Variants in BCO1 observed in about 807,000 individuals in gnomAD.
BCO1 encodes beta,beta-carotene 15,15'-dioxygenase.
A neutral mutation model predicts 56.3 loss-of-function variants in BCO1; 54 were observed. The observed-to-expected ratio is 0.96, with a 90% confidence interval of 0.77 to 1.20. The LOEUF (loss-of-function observed/expected upper bound fraction) is 1.20. BCO1 is among the 50% of genes most tolerant of loss of function. The pLI is 0.00. For synonymous variants in BCO1, 318 were observed against 266.1 expected (o/e 1.20, Z -1.90); for missense variants, 801 against 690.9 (o/e 1.16, Z -1.79).
At chr16:81,251,872 A>ATGTGTGTGTGTGTGTGTG (rs773100922) in intron 2 of BCO1, among the ~76,000 whole-genome samples, 7 of 117,278 alleles carry the variant, frequency 6.0e-5, no homozygotes, top group African/African-American at 3.1e-4. Flanking sequence ...ACACACACAT[A>ATGTGTGTGTGTGTGTGTG]TATGTGTGTG....
intron 1 of BCO1, among the ~76,000 whole-genome samples, chr16:81,244,696 C>T (rs551293640): frequency 2.0e-5 from 3 of 150,014 alleles, no homozygotes; most frequent in East Asian, 1.9e-4. Context: ...CCTTTTTCTA[C>T]GTCTGTAGCG....
chr16:81,252,815 C>G (rs760375411), intron 2 of BCO1, among the ~76,000 whole-genome samples: 5 of 152,170 alleles, frequency 3.3e-5, no homozygotes, highest in Non-Finnish European at 7.3e-5. Context: ...CCTTTGTTTA[C>G]GAAGTGCATG....
Position 81,259,773 on chromosome 16 carries a change from C to G in BCO1, c.291C>G (p.Ala97=), listed in dbSNP as rs866153770. 2 of 1,614,124 alleles carry G rather than the reference C, an allele frequency of 1.2e-6. No homozygotes were observed. The highest frequency in any genetic ancestry group is 1.7e-6 in the Non-Finnish European group (2 of 1,180,048). The change falls in exon 3 of 11, where the codon GCC becomes GCG. Residue 97 remains alanine, a synonymous_variant. Coordinates refer to ENST00000258168, the MANE Select transcript of BCO1 (RefSeq NM_017429.3). The part of the protein sequence containing the change: ...RIVVSEFGTM[A]YPDPCKNIFS... ...TGGTGTCTGAGTTTGGAACAATGGC[C>G]TATCCGGACCCCTGCAAAAACATAT...
At chr16:81,267,884 G>A (rs761556753) in intron 5 of BCO1, 24 bp from the exon 6 acceptor site, 3 of 1,608,822 alleles carry the variant, frequency 1.9e-6, no homozygotes, top group African/African-American at 1.3e-5. Context: ...CACAATTCCT[G>A]AGGCTTGCTT....
At chr16:81,282,040 T>C (rs1247545187) in intron 8 of BCO1, among the ~76,000 whole-genome samples, 1 of 152,228 alleles carries the variant, frequency 6.6e-6, no homozygotes, top group African/African-American at 2.4e-5. Context: ...ATGAATGGAC[T>C]TGTCCAAGGA....
intron 6 of BCO1, among the ~76,000 whole-genome samples, chr16:81,269,807 C>G (rs1476985965): frequency 6.6e-6 from 1 of 152,166 alleles, no homozygotes; most frequent in South Asian, 2.1e-4. Context: ...CTGGCAGATT[C>G]TCCCCAACTT....
intron 2 of BCO1, among the ~76,000 whole-genome samples, chr16:81,255,044 A>C (rs538945855): frequency 3.7e-4 from 57 of 152,250 alleles, no homozygotes; most frequent in African/African-American, 1.3e-3. Flanking sequence ...GGGCCTCTCA[A>C]ACTGCTGGGA....
At chr16:81,243,943 C>G (rs1259535287) in intron 1 of BCO1, among the ~76,000 whole-genome samples, 2 of 152,248 alleles carry the variant, frequency 1.3e-5, no homozygotes, top group Non-Finnish European at 2.9e-5. Flanking sequence ...GGAGCTAAAT[C>G]CTCTGGGTAT....
intron 3 of BCO1, among the ~76,000 whole-genome samples, chr16:81,261,407 T>C (rs185405789): frequency 1.3e-5 from 2 of 152,364 alleles, no homozygotes; most frequent in East Asian, 3.9e-4. Context: ...AAAAACTAAT[T>C]TCCTGGATAA....
chr16:81,270,072 C>A, intron 6 of BCO1, 87 bp from the exon 7 acceptor site: 1 of 1,529,672 alleles, frequency 6.5e-7, no homozygotes, highest in Admixed American at 1.7e-5. Flanking sequence ...TAGCTCCTGG[C>A]GGGGCTGGGT....
intron 2 of BCO1, among the ~76,000 whole-genome samples, chr16:81,249,357 C>T (rs1020152582): frequency 1.3e-5 from 2 of 152,008 alleles, no homozygotes; most frequent in Non-Finnish European, 2.9e-5. Context: ...CCCGGGTTCA[C>T]GCCATTCTCC....
Position 81,262,173 on chromosome 16 carries a change from A to G in BCO1, c.361A>G (p.Thr121Ala), listed in dbSNP as rs912504653. The G allele has an allele frequency of 6.2e-7, 1 of 1,613,936 alleles. No individual in the cohort carries two copies. The highest frequency in any genetic ancestry group is 1.1e-5 in the South Asian group (1 of 91,070). Residue 121 changes from threonine (T) to alanine (A), a missense_variant, in exon 4 of 11, where the codon ACC becomes GCC. Physicochemically the swap from Thr to Ala is moderately conservative, Grantham distance 58. Transcript: ENST00000258168. Reference sequence around the variant, plus strand: ...CTTGTCTCACACCATCCCCGATTTCACCGACAACTGCCTGATCAACATCAT... The same window carrying G: ...CTTGTCTCACACCATCCCCGATTTCGCCGACAACTGCCTGATCAACATCAT... ...SYLSHTIPDF[T>A]DNCLINIMKC...
chr16:81,239,131 C>A (rs1435205007), intron 1 of BCO1, among the ~76,000 whole-genome samples, 159 bp downstream of exon 1: 6 of 151,902 alleles, frequency 3.9e-5, no homozygotes, highest in African/African-American at 1.2e-4. Context: ...ATCCTCCCAC[C>A]ACAGCCTCCC....
chr16:81,264,592 T>C (rs1174157491), intron 4 of BCO1, 48 bp from the exon 5 acceptor site: 1 of 1,601,626 alleles, frequency 6.2e-7, no homozygotes, highest in Admixed American at 1.7e-5. Context: ...ATCTTGCAGG[T>C]TGATTATCGT....
intron 2 of BCO1, among the ~76,000 whole-genome samples, chr16:81,252,809 T>C (rs966849528): frequency 1.4e-4 from 22 of 152,186 alleles, no homozygotes; most frequent in Admixed American, 3.9e-4. Flanking sequence ...CAACAGCCTT[T>C]GTTTACGAAG....
intron 10 of BCO1, among the ~76,000 whole-genome samples, chr16:81,287,914 G>C (rs557843539): frequency 1.3e-5 from 2 of 152,274 alleles, no homozygotes; most frequent in Admixed American, 6.5e-5. Flanking sequence ...TTGGGACTCA[G>C]TCATGTAAAC....
chr16:81,290,367 T>C lies in BCO1; in HGVS notation c.1434T>C (p.Ile478=), dbSNP rs1021921414. The change falls in exon 11 of 11, where the codon ATT becomes ATC. Residue 478 remains isoleucine, a synonymous_variant. Coordinates refer to ENST00000258168, the MANE Select transcript of BCO1 (RefSeq NM_017429.3). The stretch of plus-strand genomic sequence containing the variant: ...CTAAAGGAGTAATCTTATCAGCCAT[T>C]GTCTCTACTGATCCCCAAAAGCTGC... ...DEDDGVILSA[I]VSTDPQKLPF... The C allele has an allele frequency of 7.4e-6, 12 of 1,614,032 alleles. No homozygotes were observed. The Admixed American group carries it at 8.3e-5, about 11-fold the overall frequency.
chr16:81,247,166 C>T (rs1905476095), intron 2 of BCO1, among the ~76,000 whole-genome samples: 2 of 152,164 alleles, frequency 1.3e-5, no homozygotes, highest in Admixed American at 1.3e-4. Context: ...AGATTTGTGT[C>T]CAAATGCTCC....
Position 81,267,924 on chromosome 16 carries a change from G to T in BCO1, c.636G>T (p.Gly212=). Reference sequence around the variant, plus strand: ...TCTTGCTAGAGGGCAAGAAGCAGGGGAAGAGCCCCTGGAAGCACACAGAGG... The same window carrying T: ...TCTTGCTAGAGGGCAAGAAGCAGGGTAAGAGCCCCTGGAAGCACACAGAGG... ...PATVPEGKKQ[G]KSPWKHTEVF... Residue 212 remains glycine, a synonymous_variant, in exon 6 of 11, where the codon GGG becomes GGT. Transcript: ENST00000258168. 6.2e-7 allele frequency: 1 copy of T among 1,613,912 alleles called. No individual in the cohort carries two copies.
Sources: gnomAD v4.1 joint callset for allele counts (sites outside exome capture counted in the v4.1 genomes callset) on GRCh38, gnomAD v4.1.1 for gene constraint, MANE v1.5 for transcripts, NCBI Gene and HGNC (gene_info 2026-07-23, HGNC 2026-07-21) for gene names.